Variants in SMARCC1 observed in about 807,000 individuals in gnomAD.
The protein encoded by SMARCC1 is SWI/SNF complex subunit SMARCC1.
SMARCC1 carries 43 observed loss-of-function variants against 147.4 expected under a neutral mutation model. The ratio of observed to expected loss-of-function variants is 0.29; its 90% CI spans 0.23 to 0.38. The LOEUF is 0.38. SMARCC1 is among the 10% of genes least tolerant of loss of function. The probability of loss-of-function intolerance (pLI) is 1.00; values close to 1 mark genes in which losing one functional copy is unlikely to be tolerated. For missense variants in SMARCC1, 1,119 were observed against 1,381.1 expected (o/e 0.81, Z 3.01); for synonymous variants, 495 against 484.4 (o/e 1.02, Z -0.29).
rs2032543484 is a variant in SMARCC1 at position 47,610,200 on chromosome 3, G to A, written c.2909C>T (p.Ala970Val). ...GCCAGGTCCTCCTGAGTGCTGGTGT[G>A]CCTGTTGAGGGTTCTGGCCATGCTG... ...QQQHGQNPQQ[A>V]HQHSGGPGLA... The change falls in exon 26 of 28, where the codon GCA becomes GTA. Residue 970 changes from alanine (A) to valine (V), a missense_variant. Physicochemically the swap from Ala to Val is moderately conservative, Grantham distance 64. Around this residue, in one of 6 missense-constraint regions of SMARCC1, gnomAD observed 186 missense variants for 216.5 expected, o/e 0.86. Transcript: ENST00000254480. The A allele has an allele frequency of 6.2e-7, 1 of 1,614,108 alleles. No individual in the cohort carries two copies. The highest frequency in any genetic ancestry group is 1.1e-5 in the South Asian group (1 of 91,090).
chr3:47,626,458 T>TAA (rs67479695), intron 24 of SMARCC1, among the ~76,000 whole-genome samples: 7 of 117,786 alleles, frequency 5.9e-5, no homozygotes, highest in Non-Finnish European at 1.0e-4. Flanking sequence ...ACCCTGTCTT[T>TAA]AAAAAAAAAA....
At chr3:47,770,150 C>T (rs1264879648) in intron 2 of SMARCC1, among the ~76,000 whole-genome samples, 1 of 151,792 alleles carries the variant, frequency 6.6e-6, no homozygotes. Flanking sequence ...ATGGCATGAA[C>T]CCGGTAGGCA....
intron 12 of SMARCC1, among the ~76,000 whole-genome samples, 183 bp downstream of exon 12, chr3:47,693,058 T>C (rs1054783222): frequency 4.6e-5 from 7 of 152,014 alleles, no homozygotes; most frequent in African/African-American, 1.7e-4. Flanking sequence ...TAATCCGAAC[T>C]ACTTGGAAGA....
intron 11 of SMARCC1, among the ~76,000 whole-genome samples, chr3:47,700,129 C>T (rs2033898957): frequency 6.6e-6 from 1 of 151,694 alleles, no homozygotes; most frequent in East Asian, 1.9e-4. Context: ...TCCTAATAAC[C>T]AGAAAAGGTT....
intron 4 of SMARCC1, among the ~76,000 whole-genome samples, chr3:47,737,702 C>T (rs761543123): frequency 1.8e-4 from 27 of 152,128 alleles, no homozygotes; most frequent in Non-Finnish European, 2.5e-4. Flanking sequence ...GTTGCCCAGG[C>T]TGGAGTGCAG....
rs558013434 is a variant in SMARCC1 at position 47,751,665 on chromosome 3, G to A, written c.316-5672C>T. On this transcript the variant is annotated intron_variant, in intron 2 of 27. Transcript: ENST00000254480. ...GAAGACCTCTTGAGCCCAGGAGTTC[G>A]AGACCCGCCTGGGTAACACAGGGAG... 2.3e-4 allele frequency among the ~76,000 whole-genome samples: 35 copies of A among 152,162 alleles called. 1 individual carries two copies. The South Asian group carries it at 6.4e-3, about 28-fold the overall frequency.
At chr3:47,659,650 CTG>C (rs977519717) in intron 21 of SMARCC1, among the ~76,000 whole-genome samples, 3 of 149,324 alleles carry the variant, frequency 2.0e-5, no homozygotes, top group African/African-American at 7.4e-5. Context: ...GTGGGGAAAA[CTG>C]TGCATGTAGG....
intron 19 of SMARCC1, among the ~76,000 whole-genome samples, chr3:47,663,181 AGAGGGGAGGGGAGGGGTGGG>A (rs1194968879): frequency 2.1e-5 from 1 of 47,374 alleles, no homozygotes. Context: ...AGAGGAGGGG[AGAGGGGAGGGGAGGGGTGGG>A]GAGGGGAGGG....
At chr3:47,761,291 G>T (rs2034770734) in intron 2 of SMARCC1, among the ~76,000 whole-genome samples, 2 of 151,638 alleles carry the variant, frequency 1.3e-5, no homozygotes, top group African/African-American at 4.8e-5. Context: ...GACAGAGCAA[G>T]GCAGTATCTC....
At chr3:47,655,979 G>A (rs192329645) in intron 21 of SMARCC1, among the ~76,000 whole-genome samples, 26 of 152,212 alleles carry the variant, frequency 1.7e-4, no homozygotes, top group Admixed American at 1.6e-3. Flanking sequence ...TTGGGAGGCC[G>A]AGACGGGCGG....
chr3:47,600,163 G>C (rs192007329), intron 26 of SMARCC1, among the ~76,000 whole-genome samples: 27 of 152,296 alleles, frequency 1.8e-4, no homozygotes, highest in Admixed American at 9.2e-4. Flanking sequence ...CTGGGATACA[G>C]GTGTTCTGAG....
intron 5 of SMARCC1, among the ~76,000 whole-genome samples, chr3:47,734,515 C>T (rs1440699368): frequency 6.6e-6 from 1 of 152,148 alleles, no homozygotes; most frequent in African/African-American, 2.4e-5. Flanking sequence ...TTTCATGAGG[C>T]TTCTCAACCA....
chr3:47,601,595 C>A (rs1335674068), intron 26 of SMARCC1: 1 of 151,224 alleles, frequency 6.6e-6, no homozygotes, highest in African/African-American at 2.5e-5. Flanking sequence ...CCTGCTACTC[C>A]GGAAAGTAGC....
chr3:47,611,991 A>C (rs1194689964), intron 25 of SMARCC1, among the ~76,000 whole-genome samples: 1 of 152,236 alleles, frequency 6.6e-6, no homozygotes, highest in Non-Finnish European at 1.5e-5. Flanking sequence ...GTTGAGGGTT[A>C]CCAGGAACAA....
intron 2 of SMARCC1, among the ~76,000 whole-genome samples, chr3:47,748,957 C>T (rs1237949739): frequency 6.6e-6 from 1 of 151,872 alleles, no homozygotes; most frequent in Non-Finnish European, 1.5e-5. Flanking sequence ...ATCACTTGGG[C>T]CCAAGAGTAG....
chr3:47,684,655 C>T (rs1254166451), intron 14 of SMARCC1, among the ~76,000 whole-genome samples: 1 of 151,984 alleles, frequency 6.6e-6, no homozygotes, highest in East Asian at 1.9e-4. Context: ...GTTGGCCAGG[C>T]TATTCTTGAA....
At chr3:47,615,741 T>C (rs947672566) in intron 25 of SMARCC1, among the ~76,000 whole-genome samples, 2 of 152,190 alleles carry the variant, frequency 1.3e-5, no homozygotes, top group African/African-American at 4.8e-5. Flanking sequence ...TAGAGTGCAA[T>C]GGCGCCATCA....
At chr3:47,632,318 T>G (rs980637730) in intron 24 of SMARCC1, among the ~76,000 whole-genome samples, 13 of 152,200 alleles carry the variant, frequency 8.5e-5, no homozygotes, top group African/African-American at 3.1e-4. Flanking sequence ...ATTTTTTTTT[T>G]GTAGAGACAG....
intron 24 of SMARCC1, among the ~76,000 whole-genome samples, chr3:47,629,157 C>T (rs1270920648): frequency 1.3e-5 from 2 of 152,134 alleles, no homozygotes; most frequent in Non-Finnish European, 2.9e-5. Flanking sequence ...CCAATTCAAA[C>T]CCTCCTTGAA....
Sources: allele counts gnomAD v4.1 joint callset (sites outside exome capture counted in the v4.1 genomes callset), GRCh38; gene constraint gnomAD v4.1.1; regional missense constraint gnomAD v4.1.1; transcripts MANE v1.5; gene names NCBI Gene and HGNC (gene_info 2026-07-23, HGNC 2026-07-21).